Variants in MBD2 observed in about 807,000 individuals in gnomAD.
MBD2 encodes methyl-CpG binding domain protein 2.
Under a neutral mutation model 39.3 loss-of-function variants are expected in MBD2, and 9 were observed. The ratio of observed to expected loss-of-function variants is 0.23; its 90% CI spans 0.14 to 0.40. The LOEUF (loss-of-function observed/expected upper bound fraction) is 0.40, where lower values mean the gene tolerates loss of function less well. Among genes scored for constraint, MBD2 ranks in the 10% least tolerant of loss-of-function variants. The pLI is 1.00. For missense variants in MBD2, 458 were observed against 532.6 expected, an observed-to-expected ratio of 0.86 and a Z score of 1.38; for synonymous variants, 233 against 211.1, an observed-to-expected ratio of 1.10 and a Z score of -0.90.
At chr18:54,206,633 C>T (rs1294369425) in intron 1 of MBD2, among the ~76,000 whole-genome samples, 1 of 152,176 alleles carries the variant, frequency 6.6e-6, no homozygotes, top group African/African-American at 2.4e-5. Flanking sequence ...GTATTCTGTC[C>T]CACCACACTT....
intron 1 of MBD2, among the ~76,000 whole-genome samples, chr18:54,206,675 T>C (rs576356505): frequency 1.4e-3 from 220 of 152,292 alleles, no homozygotes; most frequent in Non-Finnish European, 2.6e-3. Context: ...CAACATTCTT[T>C]TTCCACAACC....
intron 3 of MBD2, among the ~76,000 whole-genome samples, chr18:54,168,215 C>T (rs2086150177): frequency 6.6e-6 from 1 of 151,758 alleles, no homozygotes; most frequent in Admixed American, 6.6e-5. Flanking sequence ...GTTCCAATTC[C>T]AGATATTAAA....
At position 54,152,300 on chromosome 18, in the gene MBD2, G is replaced by C. The variant is rs568798651; in HGVS notation, c.*3024C>G. The C allele has an allele frequency of 1.3e-5, 2 of 152,332 alleles. No individual in the cohort carries two copies. Among genetic ancestry groups the C allele is most frequent in the South Asian group, 4.1e-4 (2 of 4,822 alleles). The allele number at this position is 152,332 out of a possible 1,614,324, so 9.4% of individuals were successfully genotyped here. On this transcript the variant is annotated 3_prime_UTR_variant, in exon 7 of 7. Transcript: ENST00000256429. ...GAACAACAGGTACAAAGACACAGAG[G>C]CCCAAGGGGCACTTCAAAGAAGCAA...
intron 1 of MBD2, among the ~76,000 whole-genome samples, chr18:54,214,742 CTTTT>C (rs1009315641): frequency 4.3e-5 from 3 of 69,820 alleles, no homozygotes; most frequent in East Asian, 5.7e-4. Flanking sequence ...TTTTAGAATT[CTTTT>C]TTTTTTTTTT....
rs2086038846 is a variant in MBD2, at chr18:54,154,326, C to T, written c.*998G>A. On this transcript the variant is annotated 3_prime_UTR_variant, in exon 7 of 7. Transcript: ENST00000256429. ...AAAAAGAATGTTAATATTTTGGAGGCCAGGCCAGGTACAGGTAATGGTTTG... is the reference window on the plus strand; with the variant it reads ...AAAAAGAATGTTAATATTTTGGAGGTCAGGCCAGGTACAGGTAATGGTTTG... 1 of 152,122 alleles carries T rather than the reference C, an allele frequency of 6.6e-6. No individual in the cohort carries two copies. Among genetic ancestry groups the T allele is most frequent in the Admixed American group, 6.6e-5 (1 of 15,262 alleles). 9.4% of individuals were successfully genotyped at this position (152,122 alleles called of 1,614,324 possible). A position where few individuals can be genotyped will look rare whatever the true frequency, so the allele number is the denominator to read the frequency against.
chr18:54,169,373 C>G (rs1294011684), intron 3 of MBD2, among the ~76,000 whole-genome samples: 3 of 151,032 alleles, frequency 2.0e-5, no homozygotes, highest in Non-Finnish European at 4.4e-5. Context: ...ATTCCATGAT[C>G]TTTTCTCATT....
chr18:54,224,658 C>T lies in MBD2; in HGVS notation c.-99G>A. 2.2e-6 allele frequency: 2 copies of T among 912,394 alleles called. No individual in the cohort carries two copies. Among genetic ancestry groups the T allele is most frequent in the Non-Finnish European group, 2.9e-6 (2 of 696,144 alleles). 56.5% of individuals were successfully genotyped at this position (912,394 alleles called of 1,614,324 possible). On this transcript the variant is annotated 5_prime_UTR_variant, in exon 1 of 7. Coordinates refer to ENST00000256429, the MANE Select transcript of MBD2 (RefSeq NM_003927.5). ...CGCAGCGCGGCGCGCGGGGGACGCGCGCAAGCATCATAGAGCGGGCGCGCA... is the reference window on the plus strand; with the variant it reads ...CGCAGCGCGGCGCGCGGGGGACGCGTGCAAGCATCATAGAGCGGGCGCGCA...
chr18:54,203,098 C>T (rs778414131), intron 2 of MBD2: 20 of 1,607,856 alleles, frequency 1.2e-5, no homozygotes, highest in African/African-American at 9.4e-5. Context: ...AGTGTTCCAG[C>T]GCAGCTAGAG....
At chr18:54,163,804 T>C (rs539463241) in intron 5 of MBD2, among the ~76,000 whole-genome samples, 1 of 152,094 alleles carries the variant, frequency 6.6e-6, no homozygotes, top group East Asian at 1.9e-4. Flanking sequence ...ATCACTATCA[T>C]CTGATTTAAA....
At chr18:54,203,933 A>G (rs1247569559) in intron 2 of MBD2, among the ~76,000 whole-genome samples, 1 of 152,216 alleles carries the variant, frequency 6.6e-6, no homozygotes, top group African/African-American at 2.4e-5. Context: ...TGCTAAGGGA[A>G]AATTTTCTTA....
intron 1 of MBD2, among the ~76,000 whole-genome samples, chr18:54,213,564 C>G (rs866892342): frequency 3.3e-5 from 5 of 152,160 alleles, no homozygotes; most frequent in Non-Finnish European, 7.3e-5. Flanking sequence ...TCTACCTAGT[C>G]TCATCCTTAA....
chr18:54,191,135 A>G (rs892256268), intron 2 of MBD2, among the ~76,000 whole-genome samples: 40 of 152,234 alleles, frequency 2.6e-4, no homozygotes, highest in African/African-American at 9.2e-4. Context: ...TCCATGCTCC[A>G]GAACAGGGGT....
At chr18:54,185,725 C>T (rs2086281972) in intron 3 of MBD2, among the ~76,000 whole-genome samples, 1 of 152,088 alleles carries the variant, frequency 6.6e-6, no homozygotes, top group Admixed American at 6.5e-5. Flanking sequence ...AGAGTTCCCT[C>T]CTCCCCACTA....
At chr18:54,218,954 T>TC (rs1160333045) in intron 1 of MBD2, among the ~76,000 whole-genome samples, 5 of 139,318 alleles carry the variant, frequency 3.6e-5, no homozygotes, top group African/African-American at 1.4e-4. Context: ...AAAGTAAGAC[T>TC]CCGTCTCAAA....
In MBD2 at chr18:54,154,817, A is replaced by G. The variant is rs1352033684; in HGVS notation, c.*507T>C. The G allele has an allele frequency of 6.5e-6, 1 of 152,676 alleles. No individual in the cohort carries two copies. Among genetic ancestry groups the G allele is most frequent in the Non-Finnish European group, 1.5e-5 (1 of 68,040 alleles). 9.5% of individuals were successfully genotyped at this position (152,676 alleles called of 1,614,324 possible). A position where few individuals can be genotyped will look rare whatever the true frequency, so the allele number is the denominator to read the frequency against. On this transcript the variant is annotated 3_prime_UTR_variant, in exon 7 of 7. Transcript: ENST00000256429. ...GGGTTCTTTATTGTGTGTGCTTTTC[A>G]ACAGAAAGAATTCCAATCAGTCTGT...
chr18:54,224,008 A>G lies in MBD2; in HGVS notation c.542+10T>C. On this transcript the variant is annotated intron_variant, in intron 1 of 6. Transcript: ENST00000256429. ...ACCCCGCCACCCCCTCCCCGCCCCC[A>G]GGGAGGTACCTGAAGTAGTAGACAT... The G allele has an allele frequency of 8.3e-6, 4 of 479,810 alleles. No individual in the cohort carries two copies. The highest frequency in any genetic ancestry group is 7.5e-5 in the East Asian group (1 of 13,402). The allele number at this position is 479,810 out of a possible 1,614,324, so 29.7% of individuals were successfully genotyped here.
At chr18:54,156,573 C>T (rs551731631) in intron 6 of MBD2, among the ~76,000 whole-genome samples, 1 of 152,134 alleles carries the variant, frequency 6.6e-6, no homozygotes, top group East Asian at 1.9e-4. Context: ...AAAAGTCGGC[C>T]AGTGGCTCAT....
At chr18:54,182,216 A>G (rs2086256387) in intron 3 of MBD2, among the ~76,000 whole-genome samples, 2 of 152,262 alleles carry the variant, frequency 1.3e-5, no homozygotes, top group South Asian at 4.1e-4. Flanking sequence ...TTAAGCACTT[A>G]CATAATAGAG....
At chr18:54,170,407 C>T (rs979595244) in intron 3 of MBD2, among the ~76,000 whole-genome samples, 1 of 152,098 alleles carries the variant, frequency 6.6e-6, no homozygotes, top group Non-Finnish European at 1.5e-5. Context: ...GAGAAAGAAA[C>T]AGGGATCACA....
Sources: allele counts gnomAD v4.1 joint callset (sites outside exome capture counted in the v4.1 genomes callset), GRCh38; gene constraint gnomAD v4.1.1; transcripts MANE v1.5; gene names NCBI Gene and HGNC (gene_info 2026-07-23, HGNC 2026-07-21).